Variants in NECAB2 observed in about 807,000 individuals in gnomAD.
The protein encoded by NECAB2 is N-terminal EF-hand calcium binding protein 2.
A neutral mutation model predicts 51.9 loss-of-function variants in NECAB2; 68 were observed. That is an observed-to-expected ratio of 1.31 (90% CI 1.08 to 1.60). The LOEUF (loss-of-function observed/expected upper bound fraction) is 1.60, where lower values mean the gene tolerates loss of function less well. NECAB2 is among the 40% of genes most tolerant of loss of function. The pLI is 0.00. For missense variants in NECAB2, 854 were observed against 490.3 expected, an observed-to-expected ratio of 1.74 and a Z score of -7.00; for synonymous variants, 329 against 203.5, an observed-to-expected ratio of 1.62 and a Z score of -5.25.
At chr16:83,986,538 G>T (rs1171931654) in intron 5 of NECAB2, among the ~76,000 whole-genome samples, 1 of 152,104 alleles carries the variant, frequency 6.6e-6, no homozygotes, top group Non-Finnish European at 1.5e-5. Context: ...ATAAAGACGG[G>T]GTCTTGTTGT....
chr16:83,989,416 G>C (rs2084594166), intron 5 of NECAB2, among the ~76,000 whole-genome samples: 1 of 152,186 alleles, frequency 6.6e-6, no homozygotes, highest in Non-Finnish European at 1.5e-5. Flanking sequence ...CTGTCTGTCA[G>C]CCGTGTTTCC....
At chr16:83,980,797 CTCTCTGTCTCTGTCTG>C in intron 3 of NECAB2, 26 bp from the exon 4 acceptor site, 1 of 1,556,230 alleles carries the variant, frequency 6.4e-7, no homozygotes, top group Non-Finnish European at 8.7e-7. Context: ...TGCTAACCCC[CTCTCTGTCTCTGTCTG>C]TCTCTGCCTC....
At chr16:83,966,809 C>T (rs527955625), upstream of NECAB2, among the ~76,000 whole-genome samples, 3 of 152,326 alleles carry the variant, frequency 2.0e-5, no homozygotes, top group South Asian at 4.1e-4. Context: ...TGACACAAAC[C>T]CCTCCACTGC....
At chr16:83,986,764 C>T (rs1303273171) in intron 5 of NECAB2, among the ~76,000 whole-genome samples, 1 of 151,094 alleles carries the variant, frequency 6.6e-6, no homozygotes, top group African/African-American at 2.4e-5. Context: ...AAGCAATCAT[C>T]TCCCCACCTT....
At chr16:83,976,786 G>C (rs190819298) in intron 2 of NECAB2, among the ~76,000 whole-genome samples, 1 of 152,310 alleles carries the variant, frequency 6.6e-6, no homozygotes, top group Admixed American at 6.5e-5. Flanking sequence ...ATGCTCTATG[G>C]GGTTAAAGAG....
chr16:83,977,523 A>G (rs986231150), intron 2 of NECAB2, among the ~76,000 whole-genome samples: 1 of 152,080 alleles, frequency 6.6e-6, no homozygotes, highest in African/African-American at 2.4e-5. Context: ...GTGAAGGGAA[A>G]AGGTGAGGCG....
chr16:83,995,669 G>T (rs1274833934), intron 8 of NECAB2, among the ~76,000 whole-genome samples: 2 of 152,134 alleles, frequency 1.3e-5, no homozygotes, highest in Non-Finnish European at 2.9e-5. Flanking sequence ...TACACCCTTT[G>T]TAAAGGGTAT....
rs57244241 is a variant in NECAB2 at position 83,991,855 on chromosome 16, C to T, written c.596+1225C>T. ...TTTTTTTGTAGAGACGGGGTCTCGC[C>T]ATGTTGGCCAGGCTGTTCTCAAACT... On this transcript the variant is annotated intron_variant, in intron 6 of 12. Coordinates refer to ENST00000305202, the MANE Select transcript of NECAB2 (RefSeq NM_019065.3). Among the ~76,000 whole-genome samples, 1,283 of 149,702 alleles carry T rather than the reference C, an allele frequency of 8.6e-3. 20 individuals carry two copies. Among genetic ancestry groups the T allele is most frequent in the African/African-American group, 0.03 (1,215 of 40,198 alleles).
chr16:83,976,159 A>G (rs949826492), intron 2 of NECAB2, among the ~76,000 whole-genome samples: 1 of 152,168 alleles, frequency 6.6e-6, no homozygotes, highest in African/African-American at 2.4e-5. Flanking sequence ...AACCCCTGTC[A>G]TGCCCATGGT....
intron 2 of NECAB2, 111 bp from the exon 3 acceptor site, chr16:83,978,333 A>C (rs2084440502): frequency 2.6e-6 from 2 of 771,022 alleles, no homozygotes; most frequent in African/African-American, 1.8e-5. Context: ...TCTGAGCTGC[A>C]GTTGTTCTGT....
Position 83,968,516 on chromosome 16 carries a change from T to C in NECAB2, c.-133T>C, listed in dbSNP as rs1437815801. On this transcript the variant is annotated 5_prime_UTR_variant, in exon 1 of 13. Transcript: ENST00000305202. ...CCCCGGCGCCGGCCAGTCCCCGCGG[T>C]GTCCGCGGCCGCGGGGGCAGCGGGA... is the stretch of plus-strand genomic sequence containing the variant. The C allele has an allele frequency of 3.2e-6, 2 of 625,806 alleles. No homozygotes were observed. Among genetic ancestry groups the C allele is most frequent in the Non-Finnish European group, 3.9e-6 (2 of 508,198 alleles). The allele number at this position is 625,806 out of a possible 1,614,324, so 38.8% of individuals were successfully genotyped here. A position where few individuals can be genotyped will look rare whatever the true frequency, so the allele number is the denominator to read the frequency against.
chr16:83,998,094 G>A, intron 9 of NECAB2, 111 bp from the exon 10 acceptor site: 1 of 914,764 alleles, frequency 1.1e-6, no homozygotes, highest in Non-Finnish European at 1.7e-6. Context: ...TGAAAAGTGG[G>A]GGAGGGTTAT....
rs1252407564 is a variant in NECAB2, at chr16:83,994,376, A to G, written c.671A>G (p.Asn224Ser). Residue 224 changes from asparagine to serine, a missense_variant, in exon 7 of 13, where the codon AAC becomes AGC. Coordinates refer to ENST00000305202, the MANE Select transcript of NECAB2 (RefSeq NM_019065.3). ...AGCCCCACTCCCGCCTCTGCCCCCA[A>G]CCACAAGCTCATGGCTATGGAACAA... ...CGSPTPASAP[N>S]HKLMAMEQGK... 5.0e-6 allele frequency: 8 copies of G among 1,614,028 alleles called. No individual in the cohort carries two copies. The highest frequency in any genetic ancestry group is 2.2e-5 in the East Asian group (1 of 44,884).
At chr16:83,967,758 GGATGGATGGAT>G (rs2084302542), upstream of NECAB2, among the ~76,000 whole-genome samples, 7 of 148,006 alleles carry the variant, frequency 4.7e-5, no homozygotes, top group Admixed American at 6.7e-5. Flanking sequence ...GAGGGTGGAT[GGATGGATGGAT>G]GGAGGGTGGA....
chr16:83,980,416 G>C (rs935581394), intron 3 of NECAB2, among the ~76,000 whole-genome samples: 2 of 152,156 alleles, frequency 1.3e-5, no homozygotes, highest in African/African-American at 4.8e-5. Context: ...AACAGGAAGG[G>C]CTCTGCCACA....
chr16:83,997,698 T>C (rs1330229021), intron 9 of NECAB2, among the ~76,000 whole-genome samples: 1 of 151,526 alleles, frequency 6.6e-6, no homozygotes, highest in African/African-American at 2.4e-5. Context: ...TTTCACCATG[T>C]TGGTCAGGCT....
chr16:83,994,987 G>A (rs915118061), intron 8 of NECAB2, among the ~76,000 whole-genome samples: 9 of 152,178 alleles, frequency 5.9e-5, no homozygotes, highest in African/African-American at 1.7e-4. Flanking sequence ...AGGGTCCCGT[G>A]TTGCAAGGCC....
intron 4 of NECAB2, 60 bp downstream of exon 4, chr16:83,980,924 G>A: frequency 6.2e-7 from 1 of 1,612,064 alleles, no homozygotes; most frequent in Non-Finnish European, 8.5e-7. Flanking sequence ...TGGATGAGAA[G>A]GGCCTGAGGC....
At chr16:83,984,972 T>C (rs1425259011) in intron 5 of NECAB2, among the ~76,000 whole-genome samples, 1 of 152,172 alleles carries the variant, frequency 6.6e-6, no homozygotes, top group Non-Finnish European at 1.5e-5. Context: ...CTTTTTCATA[T>C]GTGAAATGGA....
Sources: gnomAD v4.1 joint callset for allele counts (sites outside exome capture counted in the v4.1 genomes callset) on GRCh38, gnomAD v4.1.1 for gene constraint, MANE v1.5 for transcripts, NCBI Gene and HGNC (gene_info 2026-07-23, HGNC 2026-07-21) for gene names.